HLA-DRA: variants seen among roughly 807,000 people sequenced by gnomAD.
HLA-DRA encodes major histocompatibility complex, class II, DR alpha.
HLA-DRA carries 8 observed loss-of-function variants against 22.1 expected under a neutral mutation model. The observed-to-expected ratio is 0.36, with a 90% CI of 0.21 to 0.65. The LOEUF (loss-of-function observed/expected upper bound fraction) is 0.65, where lower values mean the gene tolerates loss of function less well. Ranked by LOEUF, HLA-DRA falls within the 30% of genes least tolerant of loss-of-function variation. HLA-DRA has a pLI of 0.63. For missense variants in HLA-DRA, 248 were observed against 321.3 expected, an observed-to-expected ratio of 0.77 and a Z score of 1.74; for synonymous variants, 101 against 117.1, an observed-to-expected ratio of 0.86 and a Z score of 0.89.
rs1762546436 is a variant in HLA-DRA, at chr6:32,440,429, TGA to T, written c.82+398_82+399del. Reference sequence around the variant, plus strand: ...CACACATAGTTTTGCTAGAATTAAATGAAAAAAAAAAAGTTATTAGCCCTGTT... The same window carrying T: ...CACACATAGTTTTGCTAGAATTAAATAAAAAAAAAAGTTATTAGCCCTGTT... On this transcript the variant is annotated intron_variant, in intron 1 of 4. Coordinates refer to ENST00000395388, the MANE Select transcript of HLA-DRA (RefSeq NM_019111.5). Among the ~76,000 whole-genome samples, 6 of 25,120 alleles carry T rather than the reference TGA, an allele frequency of 2.4e-4. No homozygotes were observed. In the Admixed American group the frequency reaches 2.6e-3, roughly 11 times the overall value. The allele number at this position is 25,120 out of a possible 152,430, so 16.5% of individuals were successfully genotyped here. A position where few individuals can be genotyped will look rare whatever the true frequency, so the allele number is the denominator to read the frequency against.
At chr6:32,440,110 A>C (rs1240834192) in intron 1 of HLA-DRA, 78 bp downstream of exon 1, 1 of 1,212,532 alleles carries the variant, frequency 8.2e-7, no homozygotes, top group Admixed American at 1.7e-5. Flanking sequence ...TTTGGAAGAT[A>C]ATGTGTGGAG....
In HLA-DRA at chr6:32,442,429, T is replaced by G; in HGVS notation, c.83-19T>G. 6.2e-7 allele frequency: 1 copy of G among 1,612,804 alleles called. No homozygotes were observed. The highest frequency in any genetic ancestry group is 8.5e-7 in the Non-Finnish European group (1 of 1,179,814). ...GATTCCCCCCACCCAACTCTCTTTC[T>G]CCATTTCTTGCCTTTCAGAAGAACA... On this transcript the variant is annotated intron_variant, in intron 1 of 4. Transcript: ENST00000395388.
At position 32,443,312 on chromosome 6, in the gene HLA-DRA, T is replaced by C. The variant is rs936299247; in HGVS notation, c.456T>C (p.Pro152=). The stretch of plus-strand genomic sequence containing the variant: ...TCACGTGGCTTCGAAATGGAAAACC[T>C]GTCACCACAGGAGTGTCAGAGACAG... ...VNVTWLRNGK[P]VTTGVSETVF... The change falls in exon 3 of 5, where the codon CCT becomes CCC. Residue 152 remains proline, a synonymous_variant. Coordinates refer to ENST00000395388, the MANE Select transcript of HLA-DRA (RefSeq NM_019111.5). 4 of 1,612,970 alleles carry C rather than the reference T, an allele frequency of 2.5e-6. No individual in the cohort carries two copies. The African/African-American group carries it at 5.3e-5, about 22-fold the overall frequency.
intron 1 of HLA-DRA, among the ~76,000 whole-genome samples, chr6:32,440,936 T>C (rs1338942861): frequency 2.0e-5 from 3 of 152,218 alleles, no homozygotes; most frequent in South Asian, 2.1e-4. Context: ...TACATAGGGA[T>C]ACTTACCTAG....
At chr6:32,441,263 CAGG>C (rs1375640896) in intron 1 of HLA-DRA, among the ~76,000 whole-genome samples, 1 of 152,198 alleles carries the variant, frequency 6.6e-6, no homozygotes, top group African/African-American at 2.4e-5. Flanking sequence ...GAGGCTGAGG[CAGG>C]AGGATTGCTT....
In HLA-DRA at chr6:32,443,900, G is replaced by T; in HGVS notation, c.755G>T (p.Gly252Val). Reference sequence around the variant, plus strand: ...AAAAGCAATGCAGCAGAACGCAGGGGGCCTCTGTAAGGCACATGGAGGTGA... The same window carrying T: ...AAAAGCAATGCAGCAGAACGCAGGGTGCCTCTGTAAGGCACATGGAGGTGA... Reference protein sequence around the residue: ...LRKSNAAERRGPL With the variant: ...LRKSNAAERRVPL The change falls in exon 4 of 5, where the codon GGG becomes GTG. Residue 252 changes from glycine (G) to valine (V), a missense_variant. By Grantham distance (109) the Gly-to-Val change is moderately radical (BLOSUM62 -3). Transcript: ENST00000395388. 1 of 1,599,494 alleles carries T rather than the reference G, an allele frequency of 6.3e-7. No individual in the cohort carries two copies. The highest frequency in any genetic ancestry group is 8.5e-7 in the Non-Finnish European group (1 of 1,173,656).
rs531979777 is a variant in HLA-DRA, at chr6:32,442,428, C to T, written c.83-20C>T. ...TGATTCCCCCCACCCAACTCTCTTT[C>T]TCCATTTCTTGCCTTTCAGAAGAAC... On this transcript the variant is annotated intron_variant, in intron 1 of 4. Transcript: ENST00000395388. The T allele has an allele frequency of 6.2e-7, 1 of 1,612,766 alleles. No individual in the cohort carries two copies. The highest frequency in any genetic ancestry group is 2.2e-5 in the East Asian group (1 of 44,882).
intron 3 of HLA-DRA, 68 bp downstream of exon 3, chr6:32,443,534 G>A: frequency 1.4e-6 from 2 of 1,386,842 alleles, no homozygotes; most frequent in South Asian, 1.3e-5. Context: ...GAAACTCGGT[G>A]TTCTAACTGT....
At position 32,443,265 on chromosome 6, in the gene HLA-DRA, T is replaced by C; in HGVS notation, c.409T>C (p.Phe137Leu). 6.2e-7 allele frequency: 1 copy of C among 1,612,944 alleles called. No individual in the cohort carries two copies. The highest frequency in any genetic ancestry group is 8.5e-7 in the Non-Finnish European group (1 of 1,179,936). Residue 137 changes from phenylalanine to leucine, a missense_variant, in exon 3 of 5, where the codon TTC becomes CTC. Phe to Leu is a conservative substitution (Grantham distance 22). Coordinates refer to ENST00000395388, the MANE Select transcript of HLA-DRA (RefSeq NM_019111.5). ...PNVLICFIDK[F>L]TPPVVNVTWL... ...CGTCCTCATCTGTTTCATAGACAAGTTCACCCCACCAGTGGTCAATGTCAC... is the reference window on the plus strand; with the variant it reads ...CGTCCTCATCTGTTTCATAGACAAGCTCACCCCACCAGTGGTCAATGTCAC...
rs1051336 is a variant in HLA-DRA at position 32,444,815 on chromosome 6, G to A, written c.*175G>A. On this transcript the variant is annotated 3_prime_UTR_variant, in exon 5 of 5. Transcript: ENST00000395388. ...GTGGATATGCCTCTTCGATTGCTCC[G>A]TACTCTAACATCTAGCTGGCTTCCC... The A allele has an allele frequency of 0.15, 23,243 of 153,648 alleles. 1,899 individuals are homozygous for A. The highest frequency in any genetic ancestry group is 0.18 in the Non-Finnish European group (12,186 of 68,030). The allele number at this position is 153,648 out of a possible 1,614,324, so 9.5% of individuals were successfully genotyped here. A position where few individuals can be genotyped will look rare whatever the true frequency, so the allele number is the denominator to read the frequency against.
Position 32,439,926 on chromosome 6 carries a change from T to G in HLA-DRA, c.-25T>G. On this transcript the variant is annotated 5_prime_UTR_variant, in exon 1 of 5. Transcript: ENST00000395388. ...TGCCTCACTCCCGAGCTCTACTGAC[T>G]CCCAACAGAGCGCCCAAGAAGAAAA... is the stretch of plus-strand genomic sequence containing the variant. 1.2e-6 allele frequency: 2 copies of G among 1,602,962 alleles called. No individual in the cohort carries two copies. The highest frequency in any genetic ancestry group is 1.7e-6 in the Non-Finnish European group (2 of 1,169,954).
chr6:32,443,750 C>T lies in HLA-DRA; in HGVS notation c.611-6C>T. On this transcript the variant is annotated splice_polypyrimidine_tract_variant and splice_region_variant and intron_variant, in intron 3 of 4. Coordinates refer to ENST00000395388, the MANE Select transcript of HLA-DRA (RefSeq NM_019111.5). ...TTACCATGTACTCTGCCTTATTTCC[C>T]CCCAGAGTTTGATGCTCCAAGCCCT... 6.3e-7 allele frequency: 1 copy of T among 1,577,298 alleles called. No individual in the cohort carries two copies.
Position 32,439,904 on chromosome 6 carries a change from C to A in HLA-DRA, c.-47C>A. On this transcript the variant is annotated 5_prime_UTR_variant, in exon 1 of 5. Coordinates refer to ENST00000395388, the MANE Select transcript of HLA-DRA (RefSeq NM_019111.5). ...TTTCTTTTATTCTTGTCTGTTCTGC[C>A]TCACTCCCGAGCTCTACTGACTCCC... The A allele has an allele frequency of 7.0e-7, 1 of 1,431,002 alleles. No homozygotes were observed. The highest frequency in any genetic ancestry group is 9.9e-7 in the Non-Finnish European group (1 of 1,013,262). The allele number at this position is 1,431,002 out of a possible 1,614,324, so 88.6% of individuals were successfully genotyped here.
At chr6:32,444,545 A>T (rs1220691409) in intron 4 of HLA-DRA, 107 bp from the exon 5 acceptor site, 1 of 152,210 alleles carries the variant, frequency 6.6e-6, no homozygotes, top group Non-Finnish European at 1.5e-5. Flanking sequence ...TGAACATTGA[A>T]AGAATTTTGC....
chr6:32,443,948 C>T lies in HLA-DRA; in HGVS notation c.*11+27C>T, dbSNP rs375429096. ...TGAGTTAGGTGTGGTCAGAGGAAGACGTATATGGAGATATCTGAGGGAGGA... is the reference window on the plus strand; with the variant it reads ...TGAGTTAGGTGTGGTCAGAGGAAGATGTATATGGAGATATCTGAGGGAGGA... On this transcript the variant is annotated intron_variant, in intron 4 of 4. Transcript: ENST00000395388. The T allele has an allele frequency of 2.6e-5, 39 of 1,477,722 alleles. No individual in the cohort carries two copies. The African/African-American group carries it at 4.8e-4, about 18-fold the overall frequency. The allele number at this position is 1,477,722 out of a possible 1,614,324, so 91.5% of individuals were successfully genotyped here. A position where few individuals can be genotyped will look rare whatever the true frequency, so the allele number is the denominator to read the frequency against.
chr6:32,443,703 G>A (rs1762761148), intron 3 of HLA-DRA, 53 bp from the exon 4 acceptor site: 1 of 1,463,324 alleles, frequency 6.8e-7, no homozygotes. Flanking sequence ...TTGATTCTGA[G>A]TGTTACTTCT....
chr6:32,443,461 A>G lies in HLA-DRA; in HGVS notation c.605A>G (p.His202Arg), dbSNP rs749707818. The G allele has an allele frequency of 6.2e-7, 1 of 1,612,534 alleles. No homozygotes were observed. Among genetic ancestry groups the G allele is most frequent in the Admixed American group, 1.7e-5 (1 of 60,024 alleles). ...GGCTTGGATGAGCCTCTTCTCAAGC[A>G]CTGGGGTATGGACCAACACTCAATC... ...HWGLDEPLLK[H>R]WEFDAPSPLP... The change falls in exon 3 of 5, where the codon CAC becomes CGC. Residue 202 changes from histidine (H) to arginine (R), a missense_variant. His to Arg is a conservative substitution (Grantham distance 29). Transcript: ENST00000395388.
Position 32,443,840 on chromosome 6 carries a change from T to C in HLA-DRA, c.695T>C (p.Ile232Thr). The C allele has an allele frequency of 6.2e-7, 1 of 1,612,282 alleles. No homozygotes were observed. Residue 232 changes from isoleucine (I) to threonine (T), a missense_variant, in exon 4 of 5, where the codon ATT becomes ACT. By Grantham distance (89) the Ile-to-Thr change is moderately conservative. Coordinates refer to ENST00000395388, the MANE Select transcript of HLA-DRA (RefSeq NM_019111.5). ...CTGACTGTGGGTCTGGTGGGCATCA[T>C]TATTGGGACCATCTTCATCATCAAG... ...LGLTVGLVGI[I>T]IGTIFIIKGL...
chr6:32,440,209 G>A (rs1762529033), intron 1 of HLA-DRA, among the ~76,000 whole-genome samples, 177 bp downstream of exon 1: 1 of 141,546 alleles, frequency 7.1e-6, no homozygotes, highest in Non-Finnish European at 1.5e-5. Context: ...ACCACAAACT[G>A]AAGTAAGTCA....
Sources: allele counts gnomAD v4.1 joint callset (sites outside exome capture counted in the v4.1 genomes callset), GRCh38; gene constraint gnomAD v4.1.1; transcripts MANE v1.5; gene names NCBI Gene and HGNC (gene_info 2026-07-23, HGNC 2026-07-21).